Variants in DPP6 observed in about 807,000 individuals in gnomAD.
The protein encoded by DPP6 is dipeptidyl peptidase like 6, also known as A-type potassium channel modulatory protein DPP6.
DPP6 carries 69 observed loss-of-function variants against 122.6 expected under a neutral mutation model. The ratio of observed to expected loss-of-function variants is 0.56; its 90% CI spans 0.46 to 0.69. The LOEUF (loss-of-function observed/expected upper bound fraction) is 0.69. DPP6 is among the 30% of genes least tolerant of loss of function. The pLI is 0.00. For synonymous variants in DPP6, 418 were observed against 433.1 expected, an observed-to-expected ratio of 0.97 and a Z score of 0.43; for missense variants, 928 against 1,116.9, an observed-to-expected ratio of 0.83 and a Z score of 2.41.
chr7:154,185,571 A>T (rs1337840098), intron 1 of DPP6, among the ~76,000 whole-genome samples: 1 of 152,122 alleles, frequency 6.6e-6, no homozygotes, highest in African/African-American at 2.4e-5. Context: ...TGAACATTTT[A>T]TGATTCTATG....
intron 3 of DPP6, among the ~76,000 whole-genome samples, chr7:154,530,163 A>G (rs945135745): frequency 3.9e-5 from 6 of 152,014 alleles, no homozygotes; most frequent in African/African-American, 1.4e-4. Flanking sequence ...AAAGAAGGAA[A>G]TTATTCAAAA....
At chr7:154,577,008 G>T (rs1371153312) in intron 5 of DPP6, among the ~76,000 whole-genome samples, 2 of 152,116 alleles carry the variant, frequency 1.3e-5, no homozygotes, top group African/African-American at 2.4e-5. Context: ...GGTAGAGTGG[G>T]GATATCAGAA....
chr7:153,966,250 C>G (rs1006006275), intron 1 of DPP6, among the ~76,000 whole-genome samples: 1 of 150,900 alleles, frequency 6.6e-6, no homozygotes, highest in Non-Finnish European at 1.5e-5. Context: ...CTATATCTGA[C>G]GAAGTCAGCA....
intron 5 of DPP6, among the ~76,000 whole-genome samples, chr7:154,593,268 C>T (rs950322058): frequency 3.3e-5 from 5 of 152,142 alleles, no homozygotes; most frequent in African/African-American, 1.2e-4. Context: ...TTCTGATTTC[C>T]TTGGTAGGAG....
At chr7:154,220,171 C>T (rs772581513) in intron 1 of DPP6, among the ~76,000 whole-genome samples, 7 of 152,258 alleles carry the variant, frequency 4.6e-5, no homozygotes, top group South Asian at 2.1e-4. Flanking sequence ...GGGTCCTTTG[C>T]GGAAGTAATT....
At chr7:154,764,657 A>G (rs1437412045) in intron 8 of DPP6, among the ~76,000 whole-genome samples, 1 of 152,160 alleles carries the variant, frequency 6.6e-6, no homozygotes, top group African/African-American at 2.4e-5. Context: ...CCAATAAGAA[A>G]GAGGCCTCTC....
At chr7:154,746,922 C>T (rs562897288) in intron 8 of DPP6, among the ~76,000 whole-genome samples, 1 of 152,208 alleles carries the variant, frequency 6.6e-6, no homozygotes, top group African/African-American at 2.4e-5. Context: ...CAAGTATAAG[C>T]ACCCTATAAC....
rs372853704 is a variant in DPP6, at chr7:154,799,168, G to A, written c.1300-2187G>A. ...CCCGGTGCAAGAACAGAGGTGAGTTGTAGCGAGCCTGCTAATTTTGTGTCA... is the reference window on the plus strand; with the variant it reads ...CCCGGTGCAAGAACAGAGGTGAGTTATAGCGAGCCTGCTAATTTTGTGTCA... On this transcript the variant is annotated intron_variant, in intron 12 of 25. Coordinates refer to ENST00000377770, the MANE Select transcript of DPP6 (RefSeq NM_130797.4). 9.8e-5 allele frequency among the ~76,000 whole-genome samples: 15 copies of A among 152,336 alleles called. No individual in the cohort carries two copies. In the East Asian group the frequency reaches 1.5e-3, roughly 16 times the overall value.
rs1019040841 is a variant in DPP6 at position 154,291,287 on chromosome 7, G to A, written c.244-154927G>A. Among the ~76,000 whole-genome samples the A allele has an allele frequency of 3.3e-5, 5 of 152,244 alleles. No homozygotes were observed. In the South Asian group the frequency reaches 1.0e-3, roughly 32 times the overall value. On this transcript the variant is annotated intron_variant, in intron 1 of 25. Coordinates refer to ENST00000377770, the MANE Select transcript of DPP6 (RefSeq NM_130797.4). The stretch of plus-strand genomic sequence containing the variant: ...TCTGAGTTTGCATGAACCCCAAAAT[G>A]CAGGCTCAGATTGGTTTCATTGCAA...
the DPP6 span, among the ~76,000 whole-genome samples, chr7:153,827,238 CAGA>C: frequency 6.6e-6 from 1 of 152,228 alleles, no homozygotes; most frequent in South Asian, 2.1e-4. Context: ...TAACAATTTT[CAGA>C]AGAATATATA....
At chr7:154,864,141 G>A (rs973136054) in intron 17 of DPP6, among the ~76,000 whole-genome samples, 20 of 152,174 alleles carry the variant, frequency 1.3e-4, no homozygotes, top group African/African-American at 4.8e-4. Flanking sequence ...CTAAGCCTCT[G>A]CGTGCACACA....
intron 1 of DPP6, 117 bp from the exon 2 acceptor site, chr7:154,446,095 AAG>A (rs1819844838): frequency 1.6e-6 from 1 of 626,046 alleles, no homozygotes; most frequent in Non-Finnish European, 2.7e-6. Context: ...CAAGAATGGG[AAG>A]ATGCCTCTTT....
the DPP6 span, among the ~76,000 whole-genome samples, chr7:153,826,442 T>C: frequency 3.9e-5 from 6 of 152,246 alleles, no homozygotes; most frequent in Non-Finnish European, 1.5e-5. Context: ...ATTGTATCCA[T>C]TGAAGAATGG....
chr7:153,848,354 T>C, the DPP6 span, among the ~76,000 whole-genome samples: 8 of 148,462 alleles, frequency 5.4e-5, no homozygotes, highest in Admixed American at 5.5e-4. Flanking sequence ...GTAAACTAAC[T>C]TATCTGGATC....
At chr7:154,635,655 G>A (rs564703461) in intron 5 of DPP6, among the ~76,000 whole-genome samples, 1 of 152,296 alleles carries the variant, frequency 6.6e-6, no homozygotes, top group East Asian at 1.9e-4. Context: ...GAACATCTTA[G>A]CTGTGTGGCT....
chr7:154,425,956 A>G (rs1259758955), intron 1 of DPP6, among the ~76,000 whole-genome samples: 1 of 152,164 alleles, frequency 6.6e-6, no homozygotes, highest in Non-Finnish European at 1.5e-5. Flanking sequence ...AATATTGTGC[A>G]TATTTTTAAG....
chr7:154,175,275 GA>G (rs1691205576), intron 1 of DPP6, among the ~76,000 whole-genome samples: 1 of 152,088 alleles, frequency 6.6e-6, no homozygotes. Flanking sequence ...TTTGCAGATG[GA>G]ATTAAGGTTG....
At chr7:154,015,802 G>A (rs1354985314) in intron 1 of DPP6, among the ~76,000 whole-genome samples, 1 of 152,030 alleles carries the variant, frequency 6.6e-6, no homozygotes, top group Non-Finnish European at 1.5e-5. Flanking sequence ...ACTCCCAAGA[G>A]GTCCCTGCTT....
chr7:154,479,327 G>A (rs1823026859), intron 3 of DPP6, among the ~76,000 whole-genome samples: 1 of 152,100 alleles, frequency 6.6e-6, no homozygotes, highest in Admixed American at 6.5e-5. Flanking sequence ...GGAGGCCAAG[G>A]TGGGTGGATC....
Sources: gnomAD v4.1 joint callset for allele counts (sites outside exome capture counted in the v4.1 genomes callset) on GRCh38, gnomAD v4.1.1 for gene constraint, MANE v1.5 for transcripts, NCBI Gene and HGNC (gene_info 2026-07-23, HGNC 2026-07-21) for gene names.